The following CDH18 variants were observed in gnomAD, a reference collection of about 807,000 sequenced individuals.
CDH18 encodes cadherin 18.
A neutral mutation model predicts 67.9 loss-of-function variants in CDH18; 31 were observed. The observed-to-expected ratio is 0.46, with a 90% CI of 0.34 to 0.62. CDH18 has a LOEUF of 0.62. Among genes scored for constraint, CDH18 ranks in the 20% least tolerant of loss-of-function variants. CDH18 has a pLI of 0.01. For synonymous variants in CDH18, 362 were observed against 347.2 expected, an observed-to-expected ratio of 1.04 and a Z score of -0.48; for missense variants, 890 against 975.5, an observed-to-expected ratio of 0.91 and a Z score of 1.17.
chr5:19,896,359 A>G (rs1789339399), intron 2 of CDH18, among the ~76,000 whole-genome samples: 1 of 152,140 alleles, frequency 6.6e-6, no homozygotes, highest in African/African-American at 2.4e-5. Context: ...CAAAAAGATA[A>G]AAATAAATAA....
At chr5:19,735,522 A>C in intron 4 of CDH18, among the ~76,000 whole-genome samples, 1 of 151,810 alleles carries the variant, frequency 6.6e-6, no homozygotes, top group African/African-American at 2.4e-5. Flanking sequence ...CAGCCTCCCA[A>C]GTAGCTGGGA....
At chr5:19,534,401 C>A (rs1033430831) in intron 9 of CDH18, among the ~76,000 whole-genome samples, 1 of 152,056 alleles carries the variant, frequency 6.6e-6, no homozygotes, top group Non-Finnish European at 1.5e-5. Context: ...TAGCGTCACT[C>A]ATCTTATTAC....
intron 1 of CDH18, among the ~76,000 whole-genome samples, chr5:20,339,334 C>T (rs1740049755): frequency 6.6e-6 from 1 of 152,162 alleles, no homozygotes; most frequent in Non-Finnish European, 1.5e-5. Context: ...CACCATCCAG[C>T]AGCCGGACCT....
intron 4 of CDH18, among the ~76,000 whole-genome samples, chr5:19,729,817 TG>T (rs780729716): frequency 2.6e-5 from 4 of 152,194 alleles, no homozygotes; most frequent in Non-Finnish European, 4.4e-5. Context: ...CAAGTATATT[TG>T]CATATTATCT....
intron 5 of CDH18, among the ~76,000 whole-genome samples, chr5:19,623,466 T>C (rs1751008529): frequency 6.6e-6 from 1 of 152,198 alleles, no homozygotes; most frequent in African/African-American, 2.4e-5. Flanking sequence ...TTTCCCAAAA[T>C]AGCTTATTCA....
intron 1 of CDH18, among the ~76,000 whole-genome samples, chr5:20,318,392 G>A (rs1389908031): frequency 6.6e-6 from 1 of 152,122 alleles, no homozygotes; most frequent in Admixed American, 6.6e-5. Context: ...AGTGCCCGGT[G>A]TAGTTTGGAT....
At chr5:19,676,405 C>T (rs1353190273) in intron 5 of CDH18, among the ~76,000 whole-genome samples, 7 of 151,870 alleles carry the variant, frequency 4.6e-5, no homozygotes, top group Admixed American at 4.6e-4. Context: ...CAGGCAGGAG[C>T]AGGGCAGGAG....
chr5:20,168,985 A>C (rs1024175271), intron 2 of CDH18, among the ~76,000 whole-genome samples: 1 of 152,274 alleles, frequency 6.6e-6, no homozygotes, highest in East Asian at 1.9e-4. Flanking sequence ...TTGGAAAGGT[A>C]GTAGGAGGCT....
chr5:20,167,553 C>T (rs975155768), intron 2 of CDH18, among the ~76,000 whole-genome samples: 1 of 151,506 alleles, frequency 6.6e-6, no homozygotes, highest in Non-Finnish European at 1.5e-5. Flanking sequence ...CCAAGAAAAA[C>T]ACTTGGTGCA....
intron 8 of CDH18, among the ~76,000 whole-genome samples, chr5:19,568,573 A>G (rs1740831617): frequency 6.6e-6 from 1 of 152,114 alleles, no homozygotes; most frequent in Non-Finnish European, 1.5e-5. Context: ...CAAACTGACT[A>G]AAGGAGAAAA....
intron 2 of CDH18, among the ~76,000 whole-genome samples, chr5:19,929,343 A>G (rs1000956328): frequency 1.3e-5 from 2 of 152,156 alleles, no homozygotes; most frequent in Admixed American, 6.6e-5. Context: ...CCATAAGAAC[A>G]GAAGAGCATT....
chr5:20,418,233 T>G (rs1747496560), intron 1 of CDH18, among the ~76,000 whole-genome samples: 1 of 146,558 alleles, frequency 6.8e-6, no homozygotes, highest in Non-Finnish European at 1.5e-5. Flanking sequence ...CTGCCACCAC[T>G]GCTGGCTAAT....
intron 1 of CDH18, among the ~76,000 whole-genome samples, chr5:19,985,798 C>A (rs186798746): frequency 4.4e-4 from 67 of 151,842 alleles, no homozygotes; most frequent in Admixed American, 2.1e-3. Context: ...ATGTCTCAAT[C>A]TCTCTCATTC....
intron 5 of CDH18, among the ~76,000 whole-genome samples, chr5:19,663,032 G>A (rs1178226497): frequency 6.6e-6 from 1 of 151,902 alleles, no homozygotes; most frequent in Non-Finnish European, 1.5e-5. Flanking sequence ...ATTAAACTCT[G>A]AGAAACTGGA....
intron 1 of CDH18, among the ~76,000 whole-genome samples, chr5:20,558,046 T>TTATA (rs1758014230): frequency 6.6e-6 from 1 of 151,016 alleles, no homozygotes; most frequent in African/African-American, 2.4e-5. Context: ...TAACATTAAT[T>TTATA]GTTATATAAC....
In CDH18 at chr5:19,994,250, CACATATATACACATATATGTAT is replaced by C. The variant is rs1240039373; in HGVS notation, c.-517-2258_-517-2237del. ...ATACATGTATATACACACACATATACACATATATACACATATATGTATACATATATACACATATATGTATACA... is the reference window on the plus strand; with the variant it reads ...ATACATGTATATACACACACATATACACATATATACACATATATGTATACA... On this transcript the variant is annotated intron_variant, in intron 2 of 14. Transcript: ENST00000507958. 9.7e-3 allele frequency among the ~76,000 whole-genome samples: 1,357 copies of C among 139,368 alleles called. 7 individuals carry two copies. The highest frequency in any genetic ancestry group is 0.012 in the Non-Finnish European group (783 of 66,302). The allele number at this position is 139,368 out of a possible 152,430, so 91.4% of individuals were successfully genotyped here.
chr5:20,195,831 C>T (rs764459745), intron 2 of CDH18, among the ~76,000 whole-genome samples: 2 of 151,956 alleles, frequency 1.3e-5, no homozygotes, highest in Admixed American at 6.6e-5. Context: ...TATCATGGGG[C>T]TTTTGTAAAT....
intron 3 of CDH18, among the ~76,000 whole-genome samples, chr5:19,808,691 C>A (rs1778302447): frequency 6.6e-6 from 1 of 151,408 alleles, no homozygotes; most frequent in African/African-American, 2.4e-5. Flanking sequence ...ATTAGCCAGG[C>A]ATGGTGGCGC....
At chr5:19,704,869 G>A (rs528547211) in intron 5 of CDH18, among the ~76,000 whole-genome samples, 3 of 152,096 alleles carry the variant, frequency 2.0e-5, no homozygotes, top group African/African-American at 7.2e-5. Flanking sequence ...CAATCTATAG[G>A]GGCATTACAG....
Sources: allele counts gnomAD v4.1 joint callset (sites outside exome capture counted in the v4.1 genomes callset), GRCh38; gene constraint gnomAD v4.1.1; transcripts MANE v1.5; gene names NCBI Gene and HGNC (gene_info 2026-07-23, HGNC 2026-07-21).